The following RECK variants were observed in gnomAD, a reference collection of about 807,000 sequenced individuals.
The protein encoded by RECK is reversion inducing cysteine rich protein with kazal motifs.
Under a neutral mutation model 115.1 loss-of-function variants are expected in RECK, and 69 were observed. The ratio of observed to expected loss-of-function variants is 0.60; its 90% confidence interval spans 0.49 to 0.73. The LOEUF (loss-of-function observed/expected upper bound fraction) is 0.73, where lower values mean the gene tolerates loss of function less well. RECK is among the 30% of genes least tolerant of loss of function. RECK has a pLI of 0.00. For synonymous variants in RECK, 414 were observed against 419.7 expected, an observed-to-expected ratio of 0.99 and a Z score of 0.17; for missense variants, 1,047 against 1,203.7, an observed-to-expected ratio of 0.87 and a Z score of 1.93.
Position 36,108,159 on chromosome 9 carries a change from G to A in RECK, c.1760G>A (p.Arg587Lys), listed in dbSNP as rs1250883061. ...LQKSCIVGGK[R>K]KSHGTSFSID... ...AAGTCTTGTATTGTTGGAGGAAAAAGAAAAAGTGAGTCTTAAGCTCTGATT... is the reference window on the plus strand; with the variant it reads ...AAGTCTTGTATTGTTGGAGGAAAAAAAAAAAGTGAGTCTTAAGCTCTGATT... The change falls in exon 14 of 21, where the codon AGA becomes AAA. Residue 587 changes from arginine (R) to lysine (K), a missense_variant. Physicochemically the swap from Arg to Lys is conservative, Grantham distance 26 (BLOSUM62 2). Coordinates refer to ENST00000377966, the MANE Select transcript of RECK (RefSeq NM_021111.3). 6.3e-7 allele frequency: 1 copy of A among 1,579,344 alleles called. No homozygotes were observed. Among genetic ancestry groups the A allele is most frequent in the Admixed American group, 2.0e-5 (1 of 49,212 alleles).
At chr9:36,060,343 C>G (rs1334371100) in intron 4 of RECK, among the ~76,000 whole-genome samples, 188 bp downstream of exon 4, 1 of 152,072 alleles carries the variant, frequency 6.6e-6, no homozygotes, top group Non-Finnish European at 1.5e-5. Context: ...TCTTGAACTC[C>G]TGGCCTCAAG....
Position 36,120,868 on chromosome 9 carries a change from C to T in RECK, c.2538+132C>T, listed in dbSNP as rs548504923. ...TTCAGAAAAGCAACTTTCCCAGGGC[C>T]ATATAGCCCTTAATCAGTAGGACGA... On this transcript the variant is annotated intron_variant, in intron 19 of 20. Transcript: ENST00000377966. 21 of 658,140 alleles carry T rather than the reference C, an allele frequency of 3.2e-5. No homozygotes were observed. The African/African-American group carries it at 3.3e-4, about 10-fold the overall frequency. The allele number at this position is 658,140 out of a possible 1,614,324, so 40.8% of individuals were successfully genotyped here.
chr9:36,048,269 C>A (rs966864528), intron 1 of RECK, among the ~76,000 whole-genome samples: 2 of 151,416 alleles, frequency 1.3e-5, no homozygotes, highest in Non-Finnish European at 2.9e-5. Flanking sequence ...GCTGACAATG[C>A]CAACTCTATC....
chr9:36,118,496 T>G (rs146420979), intron 17 of RECK, among the ~76,000 whole-genome samples: 366 of 152,270 alleles, frequency 2.4e-3, no homozygotes, highest in Non-Finnish European at 4.4e-3. Flanking sequence ...TTTTATCTCT[T>G]ATCAGTTCAC....
chr9:36,099,822 A>G (rs1823495280), intron 10 of RECK, among the ~76,000 whole-genome samples: 1 of 152,150 alleles, frequency 6.6e-6, no homozygotes, highest in Non-Finnish European at 1.5e-5. Context: ...ATATAAGTAT[A>G]AATAGTTATG....
At position 36,118,931 on chromosome 9, in the gene RECK, CT is replaced by C. The variant is rs1564139216; in HGVS notation, c.2429del (p.Leu810ProfsTer23). The C allele has an allele frequency of 1.9e-6, 3 of 1,612,940 alleles. No homozygotes were observed. Among genetic ancestry groups the C allele is most frequent in the Non-Finnish European group, 2.5e-6 (3 of 1,180,042 alleles). On this transcript the variant is annotated frameshift_variant, in exon 18 of 21. Transcript: ENST00000377966. LOFTEE classifies it high-confidence loss of function. ...AECASVKCPS[L>X]LAAGCKPIIP... ...GTGTGCTTCTGTCAAGTGTCCTTCG[CT>C]CTTGGCAGCTGGATGCAAACCCATC...
rs937821475 is a variant in RECK, at chr9:36,123,434, A to G, written c.*389A>G. 2 of 164,196 alleles carry G rather than the reference A, an allele frequency of 1.2e-5. No homozygotes were observed. Among genetic ancestry groups the G allele is most frequent in the African/African-American group, 4.8e-5 (2 of 41,834 alleles). The allele number at this position is 164,196 out of a possible 1,614,324, so 10.2% of individuals were successfully genotyped here. A position where few individuals can be genotyped will look rare whatever the true frequency, so the allele number is the denominator to read the frequency against. Reference sequence around the variant, plus strand: ...TTCATTTCAGAGTTCTTTTTGAAGTATTTAAGGTTCCCGTTGCATTTGTTT... The same window carrying G: ...TTCATTTCAGAGTTCTTTTTGAAGTGTTTAAGGTTCCCGTTGCATTTGTTT... On this transcript the variant is annotated 3_prime_UTR_variant, in exon 21 of 21. Transcript: ENST00000377966.
chr9:36,089,000 G>A (rs1376609113), intron 9 of RECK, among the ~76,000 whole-genome samples: 1 of 152,120 alleles, frequency 6.6e-6, no homozygotes, highest in Non-Finnish European at 1.5e-5. Context: ...CAGCCTGAGT[G>A]ACACAGTGAA....
intron 12 of RECK, among the ~76,000 whole-genome samples, chr9:36,103,060 C>T (rs1174435437): frequency 6.6e-6 from 1 of 152,142 alleles, no homozygotes; most frequent in Non-Finnish European, 1.5e-5. Context: ...GCTAGAAGAG[C>T]GTGTTGCTAT....
chr9:36,060,407 A>G (rs909475334), intron 4 of RECK, among the ~76,000 whole-genome samples: 1 of 152,092 alleles, frequency 6.6e-6, no homozygotes. Flanking sequence ...ATGACCCACC[A>G]TGTCCAGCCC....
At chr9:36,101,208 C>A (rs1588329004) in intron 11 of RECK, among the ~76,000 whole-genome samples, 1 of 152,146 alleles carries the variant, frequency 6.6e-6, no homozygotes, top group Admixed American at 6.6e-5. Flanking sequence ...GCCTCGGCCT[C>A]CCTAAGTGCT....
At chr9:36,108,692 C>T (rs900753176) in intron 14 of RECK, among the ~76,000 whole-genome samples, 4 of 152,168 alleles carry the variant, frequency 2.6e-5, no homozygotes, top group Non-Finnish European at 5.9e-5. Context: ...ATTTTGACAT[C>T]ATGGAAAGCA....
chr9:36,104,312 ATATATATATATATATTTTTTTTTTTTT>A (rs1447466056), intron 12 of RECK, among the ~76,000 whole-genome samples: 8 of 66,082 alleles, frequency 1.2e-4, no homozygotes, highest in Admixed American at 6.1e-4. Context: ...ATATATATAT[ATATATATATATATATTTTTTTTTTTTT>A]TTTTTTTTTT....
chr9:36,119,716 C>T (rs745884171), intron 18 of RECK, among the ~76,000 whole-genome samples: 3 of 152,154 alleles, frequency 2.0e-5, no homozygotes, highest in Admixed American at 6.5e-5. Flanking sequence ...AGACCATGTT[C>T]TGAGGGAGGT....
chr9:36,076,540 G>A (rs1822457671), intron 6 of RECK, among the ~76,000 whole-genome samples: 1 of 152,030 alleles, frequency 6.6e-6, no homozygotes, highest in Non-Finnish European at 1.5e-5. Context: ...TGTACTACCT[G>A]GAATTCCCTC....
chr9:36,080,755 T>C, intron 7 of RECK, 117 bp downstream of exon 7: 2 of 854,546 alleles, frequency 2.3e-6, no homozygotes, highest in Non-Finnish European at 1.8e-6. Flanking sequence ...AGGTCATTCA[T>C]GTATTATAAC....
chr9:36,096,851 C>T (rs1463047742), intron 10 of RECK, among the ~76,000 whole-genome samples: 1 of 151,938 alleles, frequency 6.6e-6, no homozygotes, highest in East Asian at 1.9e-4. Flanking sequence ...CAAAAGACAT[C>T]ATTTAAAACT....
At chr9:36,060,830 G>A (rs2132581721) in intron 4 of RECK, among the ~76,000 whole-genome samples, 1 of 152,154 alleles carries the variant, frequency 6.6e-6, no homozygotes, top group South Asian at 2.1e-4. Flanking sequence ...AGATATCTTT[G>A]TAGACATCTC....
At chr9:36,109,370 G>T (rs1283030459) in intron 14 of RECK, among the ~76,000 whole-genome samples, 2 of 152,212 alleles carry the variant, frequency 1.3e-5, no homozygotes, top group Admixed American at 6.5e-5. Context: ...ATGGCATCAG[G>T]TCTGGCCCTG....
Sources: allele counts gnomAD v4.1 joint callset (sites outside exome capture counted in the v4.1 genomes callset), GRCh38; gene constraint gnomAD v4.1.1; transcripts MANE v1.5; gene names NCBI Gene and HGNC (gene_info 2026-07-23, HGNC 2026-07-21).